The following DNM3 variants were observed in gnomAD, a reference collection of about 807,000 sequenced individuals.
DNM3 encodes dynamin 3.
Under a neutral mutation model 101.6 loss-of-function variants are expected in DNM3, and 47 were observed. That is an observed-to-expected ratio of 0.46 (90% CI 0.37 to 0.59). The LOEUF is 0.59. Ranked by LOEUF, DNM3 falls within the 20% of genes least tolerant of loss-of-function variation. The pLI is 0.00. For missense variants in DNM3, 849 were observed against 1,085.7 expected (o/e 0.78, Z 3.06); for synonymous variants, 385 against 387.9 (o/e 0.99, Z 0.09).
At chr1:172,119,577 C>G (rs1033885750) in intron 13 of DNM3, among the ~76,000 whole-genome samples, 6 of 152,136 alleles carry the variant, frequency 3.9e-5, no homozygotes, top group African/African-American at 1.2e-4. Context: ...CCTGGGCCCT[C>G]TTCTCTTCTC....
chr1:171,997,936 A>G (rs2046108525), intron 4 of DNM3, among the ~76,000 whole-genome samples: 1 of 152,162 alleles, frequency 6.6e-6, no homozygotes, highest in African/African-American at 2.4e-5. Context: ...CCTGCAGCAT[A>G]TATTAATTCA....
intron 14 of DNM3, among the ~76,000 whole-genome samples, chr1:172,192,520 TC>T (rs1225812191): frequency 1.2e-5 from 1 of 82,402 alleles, no homozygotes; most frequent in Non-Finnish European, 2.3e-5. Context: ...ATGCTATCCC[TC>T]CCCCCTCCCC....
chr1:172,040,275 TA>T (rs2049278198), intron 7 of DNM3, among the ~76,000 whole-genome samples: 1 of 152,184 alleles, frequency 6.6e-6, no homozygotes, highest in Admixed American at 6.5e-5. Context: ...TGAACATAAC[TA>T]AATCCAATTA....
chr1:172,287,992 A>C (rs2063764270), intron 15 of DNM3, among the ~76,000 whole-genome samples: 1 of 152,016 alleles, frequency 6.6e-6, no homozygotes, highest in Admixed American at 6.6e-5. Context: ...ACCAAGGAAA[A>C]GTATTTTAAA....
At chr1:172,247,668 T>C (rs1039423882) in intron 14 of DNM3, among the ~76,000 whole-genome samples, 66 of 150,464 alleles carry the variant, frequency 4.4e-4, no homozygotes, top group South Asian at 2.1e-3. Flanking sequence ...TATTTATTTA[T>C]TTATTTATTT....
At position 171,931,894 on chromosome 1, in the gene DNM3, T is replaced by C. The variant is rs1018497109; in HGVS notation, c.235+10073T>C. On this transcript the variant is annotated intron_variant, in intron 2 of 20. Coordinates refer to ENST00000627582, the MANE Select transcript of DNM3 (RefSeq NM_015569.5). ...GAAACTATTGCCACTAGAATTATTT[T>C]AAACCAGTAGATTTACTAGGGAATA... Among the ~76,000 whole-genome samples the C allele has an allele frequency of 3.3e-5, 5 of 152,358 alleles. No homozygotes were observed. In the East Asian group the frequency reaches 9.6e-4, roughly 29 times the overall value.
intron 13 of DNM3, among the ~76,000 whole-genome samples, chr1:172,121,536 T>C (rs2056321025): frequency 6.6e-6 from 1 of 152,248 alleles, no homozygotes; most frequent in South Asian, 2.1e-4. Flanking sequence ...AGGTTTCTGG[T>C]GCTTTTGCAG....
At chr1:171,944,311 G>GGCCA (rs1344636650) in intron 2 of DNM3, among the ~76,000 whole-genome samples, 1 of 151,652 alleles carries the variant, frequency 6.6e-6, no homozygotes, top group African/African-American at 2.4e-5. Flanking sequence ...TTAGCTCAGA[G>GGCCA]GCCATATTTT....
chr1:172,366,449 G>A (rs1477105875), intron 17 of DNM3: 1 of 151,780 alleles, frequency 6.6e-6, no homozygotes, highest in African/African-American at 2.4e-5. Context: ...TCTGTGATTA[G>A]AATATTCATG....
At chr1:171,845,976 A>G (rs1000208901) in intron 1 of DNM3, among the ~76,000 whole-genome samples, 2 of 152,182 alleles carry the variant, frequency 1.3e-5, no homozygotes, top group African/African-American at 4.8e-5. Flanking sequence ...ATTAATGGGG[A>G]CGAAATAAAA....
chr1:172,000,472 CA>C (rs1472985808), intron 4 of DNM3, among the ~76,000 whole-genome samples: 1 of 152,090 alleles, frequency 6.6e-6, no homozygotes, highest in African/African-American at 2.4e-5. Flanking sequence ...TATTGGACTT[CA>C]AACTTAAAAT....
chr1:172,035,469 A>G (rs1037949874), intron 6 of DNM3, among the ~76,000 whole-genome samples: 8 of 152,140 alleles, frequency 5.3e-5, no homozygotes, highest in African/African-American at 1.9e-4. Context: ...AGGAATTTCA[A>G]TAATTACTCT....
chr1:171,883,337 T>A (rs2036453303), intron 1 of DNM3, among the ~76,000 whole-genome samples: 1 of 144,332 alleles, frequency 6.9e-6, no homozygotes, highest in South Asian at 2.2e-4. Flanking sequence ...AGAGTGAGAC[T>A]CCATCTCTAA....
rs575821733 is a variant in DNM3, at chr1:172,046,472, G to A, written c.1196+2020G>A. ...CTAATGCTAAATGACGAGTTAATGG[G>A]TGCAGCACACCAGCATGGCACATGT... On this transcript the variant is annotated intron_variant, in intron 9 of 20. Transcript: ENST00000627582. Among the ~76,000 whole-genome samples the A allele has an allele frequency of 8.6e-5, 13 of 151,984 alleles. No individual in the cohort carries two copies. In the South Asian group the frequency reaches 1.7e-3, roughly 19 times the overall value.
chr1:172,238,050 T>A (rs2148637259), intron 14 of DNM3, among the ~76,000 whole-genome samples: 1 of 152,274 alleles, frequency 6.6e-6, no homozygotes, highest in South Asian at 2.1e-4. Context: ...TCTGCCCTTT[T>A]TTTCATTACC....
chr1:171,880,066 T>C (rs780200679), intron 1 of DNM3, among the ~76,000 whole-genome samples: 4 of 152,190 alleles, frequency 2.6e-5, no homozygotes, highest in Non-Finnish European at 5.9e-5. Flanking sequence ...TTTAGTTTTC[T>C]GGCATCTGCA....
chr1:172,052,004 C>T (rs1047263279), intron 10 of DNM3, among the ~76,000 whole-genome samples: 2 of 152,110 alleles, frequency 1.3e-5, no homozygotes, highest in Non-Finnish European at 2.9e-5. Flanking sequence ...AACTGCTGCC[C>T]CATAGTGCTT....
intron 4 of DNM3, among the ~76,000 whole-genome samples, chr1:172,016,083 A>C (rs1289489517): frequency 2.0e-5 from 3 of 151,422 alleles, no homozygotes; most frequent in African/African-American, 7.3e-5. Flanking sequence ...GCTACTTGGG[A>C]GGCTGAGGCA....
chr1:171,908,291 T>C (rs2038993975), intron 1 of DNM3, among the ~76,000 whole-genome samples: 1 of 150,770 alleles, frequency 6.6e-6, no homozygotes, highest in African/African-American at 2.4e-5. Flanking sequence ...AGGGTGATGA[T>C]TGAAAAGTCA....
Sources: gnomAD v4.1 joint callset for allele counts (sites outside exome capture counted in the v4.1 genomes callset) on GRCh38, gnomAD v4.1.1 for gene constraint, MANE v1.5 for transcripts, NCBI Gene and HGNC (gene_info 2026-07-23, HGNC 2026-07-21) for gene names.